RALGAPA1: variants seen among roughly 807,000 people sequenced by gnomAD.
RALGAPA1 encodes ral GTPase-activating protein subunit alpha-1.
In RALGAPA1, 52 loss-of-function variants were observed where a neutral mutation model predicts 269.6. The ratio of observed to expected loss-of-function variants is 0.19; its 90% CI spans 0.15 to 0.24. RALGAPA1 has a LOEUF of 0.24. Among genes scored for constraint, RALGAPA1 ranks in the 10% least tolerant of loss-of-function variants. The pLI, the probability that RALGAPA1 is intolerant of heterozygous loss-of-function variation, is 1.00. For missense variants in RALGAPA1, 1,917 were observed against 3,013.9 expected (o/e 0.64, Z 8.52); for synonymous variants, 817 against 1,008.3 (o/e 0.81, Z 3.60).
At chr14:35,714,490 T>C (rs138924625) in intron 16 of RALGAPA1, among the ~76,000 whole-genome samples, 24 of 152,308 alleles carry the variant, frequency 1.6e-4, no homozygotes, top group African/African-American at 5.5e-4. Flanking sequence ...TTTTACCTTA[T>C]ATTTTTAAAG....
At chr14:35,790,920 A>C (rs941309505) in intron 1 of RALGAPA1, among the ~76,000 whole-genome samples, 3 of 152,200 alleles carry the variant, frequency 2.0e-5, no homozygotes, top group African/African-American at 4.8e-5. Flanking sequence ...TGAACATGAG[A>C]AGTTAAAAGA....
intron 35 of RALGAPA1, among the ~76,000 whole-genome samples, chr14:35,619,537 T>G (rs2060471814): frequency 6.6e-6 from 1 of 152,112 alleles, no homozygotes; most frequent in African/African-American, 2.4e-5. Context: ...CAAAAAACCC[T>G]TCAAATAAAT....
At chr14:35,629,667 G>A (rs558596814) in intron 33 of RALGAPA1, among the ~76,000 whole-genome samples, 5 of 152,160 alleles carry the variant, frequency 3.3e-5, no homozygotes, top group South Asian at 2.1e-4. Flanking sequence ...GCCACGCCCA[G>A]CTATTGTATT....
chr14:35,594,038 T>C (rs1352041132), intron 37 of RALGAPA1, among the ~76,000 whole-genome samples: 3 of 152,030 alleles, frequency 2.0e-5, no homozygotes, highest in African/African-American at 2.4e-5. Flanking sequence ...AGGGAAAGGA[T>C]AGTCTCTTCA....
rs937130577 is a variant in RALGAPA1, at chr14:35,538,689, A to T, written c.*1025T>A. ...TTATGTTCCTTTTTCTTTTTTAAAT[A>T]ATACTCATAATTTGAACAACATATT... On this transcript the variant is annotated 3_prime_UTR_variant, in exon 42 of 42. Coordinates refer to ENST00000680220, the MANE Select transcript of RALGAPA1 (RefSeq NM_001346249.2). The T allele has an allele frequency of 6.6e-6, 1 of 152,256 alleles. No individual in the cohort carries two copies. Among genetic ancestry groups the T allele is most frequent in the Non-Finnish European group, 1.5e-5 (1 of 68,040 alleles). The allele number at this position is 152,256 out of a possible 1,614,324, so 9.4% of individuals were successfully genotyped here.
intron 39 of RALGAPA1, among the ~76,000 whole-genome samples, chr14:35,556,571 G>A (rs2055624092): frequency 1.3e-5 from 2 of 152,082 alleles, no homozygotes; most frequent in Non-Finnish European, 2.9e-5. Context: ...ACAAATTATT[G>A]TCTATTTTTA....
rs2074605173 is a variant in RALGAPA1 at position 35,771,366 on chromosome 14, C to T, written c.268-367G>A. 1.3e-5 allele frequency among the ~76,000 whole-genome samples: 2 copies of T among 152,114 alleles called. 1 individual carries two copies. Among genetic ancestry groups the T allele is most frequent in the South Asian group, 4.1e-4 (2 of 4,834 alleles). On this transcript the variant is annotated intron_variant, in intron 3 of 41. Transcript: ENST00000680220. ...CCGAGATCACGCCACTGCCCTCCAG[C>T]CTGGTCAATAAGAGCAAAACTCCGT...
chr14:35,728,339 A>G (rs1287588910), intron 13 of RALGAPA1, 23 bp downstream of exon 13: 2 of 1,537,744 alleles, frequency 1.3e-6, no homozygotes, highest in African/African-American at 2.8e-5. Context: ...ACACATAGAC[A>G]TAAAGGATAA....
intron 1 of RALGAPA1, among the ~76,000 whole-genome samples, chr14:35,794,943 C>T (rs2076454081): frequency 6.6e-6 from 1 of 151,882 alleles, no homozygotes; most frequent in African/African-American, 2.4e-5. Flanking sequence ...ATAACAAATT[C>T]CTTCTCTAAA....
intron 16 of RALGAPA1, among the ~76,000 whole-genome samples, chr14:35,713,557 GT>G (rs2068547063): frequency 6.6e-6 from 1 of 152,118 alleles, no homozygotes; most frequent in African/African-American, 2.4e-5. Context: ...GGAATCCAAA[GT>G]TTTTTGTGTT....
chr14:35,555,191 T>C (rs992152272), intron 39 of RALGAPA1, among the ~76,000 whole-genome samples: 15 of 152,238 alleles, frequency 9.9e-5, no homozygotes, highest in African/African-American at 3.6e-4. Flanking sequence ...AGAAAACTGA[T>C]AATTACTTCT....
At chr14:35,783,051 C>T (rs975134705) in intron 1 of RALGAPA1, among the ~76,000 whole-genome samples, 3 of 151,822 alleles carry the variant, frequency 2.0e-5, no homozygotes, top group Admixed American at 6.6e-5. Flanking sequence ...CTCAAACTCC[C>T]GGACTCAAGT....
At chr14:35,711,220 A>C (rs1314193271) in intron 16 of RALGAPA1, among the ~76,000 whole-genome samples, 1 of 152,156 alleles carries the variant, frequency 6.6e-6, no homozygotes, top group Non-Finnish European at 1.5e-5. Flanking sequence ...TAGACAGCTA[A>C]TGTTTAAAGT....
intron 1 of RALGAPA1, among the ~76,000 whole-genome samples, chr14:35,804,835 AG>A (rs1224433878): frequency 6.6e-6 from 1 of 151,984 alleles, no homozygotes; most frequent in Non-Finnish European, 1.5e-5. Context: ...AGGTAGAGGA[AG>A]GAGGATCGCT....
At position 35,752,033 on chromosome 14, in the gene RALGAPA1, G is replaced by T. The variant is rs766447749; in HGVS notation, c.793C>A (p.Pro265Thr). 28 of 1,580,122 alleles carry T rather than the reference G, an allele frequency of 1.8e-5. No individual in the cohort carries two copies. The highest frequency in any genetic ancestry group is 4.3e-6 in the Non-Finnish European group (5 of 1,168,368). ...NICKENSLYH[P>T]ILDIPQMRPK... ...TTCAAACATTACCTACCAAGTATAGGATGATATAAACTGTTTTCCTTACAG... is the reference window on the plus strand; with the variant it reads ...TTCAAACATTACCTACCAAGTATAGTATGATATAAACTGTTTTCCTTACAG... The change falls in exon 8 of 42, where the codon CCT becomes ACT. Residue 265 changes from proline (P) to threonine (T), a missense_variant. Coordinates refer to ENST00000680220, the MANE Select transcript of RALGAPA1 (RefSeq NM_001346249.2).
chr14:35,702,926 G>C lies in RALGAPA1; in HGVS notation c.2267-2624C>G, dbSNP rs1288109579. 2.0e-5 allele frequency among the ~76,000 whole-genome samples: 3 copies of C among 151,784 alleles called. No individual in the cohort carries two copies. The South Asian group carries it at 6.2e-4, about 31-fold the overall frequency. On this transcript the variant is annotated intron_variant, in intron 16 of 41. Coordinates refer to ENST00000680220, the MANE Select transcript of RALGAPA1 (RefSeq NM_001346249.2). Reference sequence around the variant, plus strand: ...GGCTAATTTTTGTATTTTTAGTAGAGACAGGGTTTCACTGTGTTAGCCAGA... The same window carrying C: ...GGCTAATTTTTGTATTTTTAGTAGACACAGGGTTTCACTGTGTTAGCCAGA...
intron 28 of RALGAPA1, among the ~76,000 whole-genome samples, chr14:35,658,629 AG>A (rs1465570767): frequency 6.6e-6 from 1 of 152,052 alleles, no homozygotes; most frequent in Non-Finnish European, 1.5e-5. Flanking sequence ...AGAAAATGTC[AG>A]CTTTTATTTC....
At chr14:35,712,047 G>C (rs1022194138) in intron 16 of RALGAPA1, among the ~76,000 whole-genome samples, 1 of 152,068 alleles carries the variant, frequency 6.6e-6, no homozygotes, top group Non-Finnish European at 1.5e-5. Context: ...AGGACTTTGA[G>C]ACCAGCCTGG....
intron 37 of RALGAPA1, among the ~76,000 whole-genome samples, chr14:35,574,208 G>T (rs1260230433): frequency 1.3e-5 from 2 of 152,100 alleles, no homozygotes; most frequent in Non-Finnish European, 2.9e-5. Flanking sequence ...AATAATGCAG[G>T]TCTCAATTTA....
Sources: gnomAD v4.1 joint callset for allele counts (sites outside exome capture counted in the v4.1 genomes callset) on GRCh38, gnomAD v4.1.1 for gene constraint, MANE v1.5 for transcripts, NCBI Gene and HGNC (gene_info 2026-07-23, HGNC 2026-07-21) for gene names.